Variants in GALNTL6 observed in about 807,000 individuals in gnomAD.
GALNTL6 encodes polypeptide N-acetylgalactosaminyltransferase-like 6.
GALNTL6 carries 46 observed loss-of-function variants against 73.7 expected under a neutral mutation model. The observed-to-expected ratio is 0.62, with a 90% confidence interval of 0.49 to 0.80. GALNTL6 has a LOEUF of 0.80. Ranked by LOEUF, GALNTL6 falls within the 30% of genes least tolerant of loss-of-function variation. The pLI is 0.00. For missense variants in GALNTL6, 604 were observed against 755.0 expected (o/e 0.80, Z 2.34); for synonymous variants, 259 against 263.7 (o/e 0.98, Z 0.17).
chr4:172,464,619 A>G (rs921697903), intron 5 of GALNTL6, among the ~76,000 whole-genome samples: 3 of 152,006 alleles, frequency 2.0e-5, no homozygotes, highest in Admixed American at 2.0e-4. Context: ...AGGCAAGAGA[A>G]TCTCTGGAAC....
intron 2 of GALNTL6, among the ~76,000 whole-genome samples, chr4:172,152,323 T>C (rs779748786): frequency 6.6e-6 from 1 of 152,194 alleles, no homozygotes; most frequent in Non-Finnish European, 1.5e-5. Context: ...TGAAGTGTTA[T>C]GTTTGTCAGA....
chr4:171,893,285 G>A (rs1454234559), intron 2 of GALNTL6, among the ~76,000 whole-genome samples: 1 of 152,170 alleles, frequency 6.6e-6, no homozygotes, highest in African/African-American at 2.4e-5. Flanking sequence ...TAGCTCATAT[G>A]CAACCTGCTT....
At chr4:172,091,045 G>C (rs867132465) in intron 2 of GALNTL6, among the ~76,000 whole-genome samples, 4 of 151,932 alleles carry the variant, frequency 2.6e-5, no homozygotes, top group Non-Finnish European at 5.9e-5. Flanking sequence ...CTGTTCCATT[G>C]GTCTATATAT....
At chr4:172,207,736 A>G (rs13106313) in intron 2 of GALNTL6, among the ~76,000 whole-genome samples, 2,231 of 152,184 alleles carry the variant, frequency 0.015, 58 homozygotes, top group African/African-American at 0.051. Flanking sequence ...AATTTCCTCA[A>G]CTACAAGAAC....
intron 2 of GALNTL6, among the ~76,000 whole-genome samples, chr4:172,180,584 T>C (rs745407351): frequency 1.3e-4 from 20 of 152,154 alleles, no homozygotes; most frequent in Non-Finnish European, 2.8e-4. Flanking sequence ...GGTTTTAGGC[T>C]TCACGTGTAA....
intron 7 of GALNTL6, among the ~76,000 whole-genome samples, chr4:172,846,364 C>G (rs1482952603): frequency 6.6e-6 from 1 of 152,060 alleles, no homozygotes; most frequent in Non-Finnish European, 1.5e-5. Flanking sequence ...AATACATTTT[C>G]ACTGCTAAAC....
At chr4:172,923,704 A>G (rs1747905902) in intron 8 of GALNTL6, among the ~76,000 whole-genome samples, 1 of 152,076 alleles carries the variant, frequency 6.6e-6, no homozygotes, top group Non-Finnish European at 1.5e-5. Context: ...GCAAGTTACA[A>G]AAGAAAGAGG....
chr4:172,022,783 C>G (rs1560888964), intron 2 of GALNTL6, among the ~76,000 whole-genome samples: 1 of 151,970 alleles, frequency 6.6e-6, no homozygotes, highest in African/African-American at 2.4e-5. Context: ...CTAAGCACTC[C>G]TGCAAAATTC....
intron 5 of GALNTL6, among the ~76,000 whole-genome samples, chr4:172,405,439 ATATATTTTTTTTTTTTTTT>A (rs1476167102): frequency 3.3e-3 from 7 of 2,140 alleles, no homozygotes; most frequent in African/African-American, 0.01. Flanking sequence ...ATATATATAT[ATATATTTTTTTTTTTTTTT>A]TTTTTTTTCT....
At chr4:172,896,960 C>T (rs560705926) in intron 8 of GALNTL6, among the ~76,000 whole-genome samples, 1 of 152,292 alleles carries the variant, frequency 6.6e-6, no homozygotes, top group East Asian at 1.9e-4. Flanking sequence ...GGTCCCTGCA[C>T]AGATGAGATA....
intron 2 of GALNTL6, among the ~76,000 whole-genome samples, chr4:172,187,118 A>C (rs1037940046): frequency 1.2e-4 from 19 of 152,128 alleles, no homozygotes; most frequent in African/African-American, 4.3e-4. Context: ...CTGATTACAA[A>C]ATTGTAAAGT....
chr4:172,707,010 C>A (rs1274775290), intron 5 of GALNTL6, among the ~76,000 whole-genome samples: 4 of 152,110 alleles, frequency 2.6e-5, no homozygotes, highest in African/African-American at 7.2e-5. Flanking sequence ...TGCCAAGGAA[C>A]CCATGATGGT....
At chr4:172,091,830 G>T (rs1330123708) in intron 2 of GALNTL6, among the ~76,000 whole-genome samples, 4 of 152,212 alleles carry the variant, frequency 2.6e-5, no homozygotes, top group African/African-American at 9.6e-5. Flanking sequence ...TAGCTGAAGA[G>T]AGAGACAGTG....
intron 2 of GALNTL6, among the ~76,000 whole-genome samples, chr4:172,153,144 T>C (rs1476081908): frequency 1.3e-5 from 2 of 152,222 alleles, no homozygotes; most frequent in Admixed American, 6.5e-5. Context: ...ATTTCCATCG[T>C]TGTGTGGAGA....
At chr4:172,124,941 A>G (rs1733254636) in intron 2 of GALNTL6, among the ~76,000 whole-genome samples, 1 of 152,212 alleles carries the variant, frequency 6.6e-6, no homozygotes, top group South Asian at 2.1e-4. Context: ...CACAGAATGA[A>G]TTTATGCTTG....
intron 2 of GALNTL6, among the ~76,000 whole-genome samples, chr4:171,818,442 A>G (rs1410820106): frequency 1.3e-5 from 2 of 151,882 alleles, no homozygotes; most frequent in Non-Finnish European, 2.9e-5. Flanking sequence ...TAATTCAAGA[A>G]TATTTAGAAT....
intron 2 of GALNTL6, among the ~76,000 whole-genome samples, chr4:172,114,729 CA>C (rs2110985625): frequency 6.6e-6 from 1 of 152,156 alleles, no homozygotes; most frequent in Admixed American, 6.6e-5. Context: ...AGTTCAAACA[CA>C]AATAAACAGG....
At chr4:172,577,623 G>A (rs1484342521) in intron 5 of GALNTL6, among the ~76,000 whole-genome samples, 1 of 151,948 alleles carries the variant, frequency 6.6e-6, no homozygotes, top group East Asian at 1.9e-4. Flanking sequence ...AGTTTCTCCC[G>A]GTGGCTGTTT....
At chr4:172,673,313 T>C (rs1451791199) in intron 5 of GALNTL6, among the ~76,000 whole-genome samples, 1 of 152,238 alleles carries the variant, frequency 6.6e-6, no homozygotes, top group African/African-American at 2.4e-5. Flanking sequence ...GATTTCTAAT[T>C]TGATTGTGCT....
Sources: gnomAD v4.1 joint callset for allele counts (sites outside exome capture counted in the v4.1 genomes callset) on GRCh38, gnomAD v4.1.1 for gene constraint, MANE v1.5 for transcripts, NCBI Gene and HGNC (gene_info 2026-07-23, HGNC 2026-07-21) for gene names.